TOX4: variants seen among roughly 807,000 people sequenced by gnomAD.
TOX4 encodes the protein TOX high mobility group box family member 4.
In TOX4, 12 loss-of-function variants were observed where a neutral mutation model predicts 61.0. The observed-to-expected ratio is 0.20, with a 90% confidence interval of 0.13 to 0.32. The LOEUF is 0.32. TOX4 is among the 10% of genes least tolerant of loss of function. The pLI, the probability that TOX4 is intolerant of heterozygous loss-of-function variation, is 1.00. For missense variants in TOX4, 499 were observed against 753.3 expected (o/e 0.66, Z 3.95); for synonymous variants, 268 against 274.8 (o/e 0.98, Z 0.24).
chr14:21,477,728 C>A, intron 2 of TOX4, 164 bp downstream of exon 2: 1 of 697,242 alleles, frequency 1.4e-6, no homozygotes, highest in Non-Finnish European at 2.4e-6. Context: ...TGGGGACTAT[C>A]TGGGGAAGTC....
chr14:21,490,815 A>G (rs1356182890), intron 5 of TOX4, among the ~76,000 whole-genome samples: 1 of 152,268 alleles, frequency 6.6e-6, no homozygotes, highest in East Asian at 1.9e-4. Flanking sequence ...CCAAGTTTGG[A>G]TTTAGAATTA....
chr14:21,487,397 G>A, intron 2 of TOX4, 54 bp from the exon 3 acceptor site: 1 of 1,591,278 alleles, frequency 6.3e-7, no homozygotes, highest in Non-Finnish European at 8.6e-7. Flanking sequence ...TCACTTAGTA[G>A]TATGCCATTT....
Position 21,477,561 on chromosome 14 carries a change from C to G in TOX4, c.72C>G (p.Ala24=). 1 of 1,613,596 alleles carries G rather than the reference C, an allele frequency of 6.2e-7. No individual in the cohort carries two copies. The highest frequency in any genetic ancestry group is 8.5e-7 in the Non-Finnish European group (1 of 1,180,020). Residue 24 remains alanine, a synonymous_variant, in exon 2 of 9, where the codon GCC becomes GCG. Coordinates refer to ENST00000448790, the MANE Select transcript of TOX4 (RefSeq NM_014828.4). ...TGPSHPFLSG[A]ETFHTPSLGD... ...CTTCGCACCCCTTCCTGTCAGGGGC[C>G]GAGGTGAGCCAGAGCTGCCGACGCC...
intron 8 of TOX4, 35 bp from the exon 9 acceptor site, chr14:21,496,511 A>G (rs753767320): frequency 1.9e-6 from 3 of 1,579,558 alleles, no homozygotes; most frequent in Non-Finnish European, 2.6e-6. Flanking sequence ...CAGTTTGTGT[A>G]TAATTCTGTT....
At chr14:21,480,233 AAAAG>A (rs1174374742) in intron 2 of TOX4, among the ~76,000 whole-genome samples, 5 of 152,228 alleles carry the variant, frequency 3.3e-5, no homozygotes, top group Admixed American at 3.3e-4. Context: ...ATTATAATAA[AAAAG>A]AAAGAAACTT....
At chr14:21,482,209 G>A (rs1272291907) in intron 2 of TOX4, among the ~76,000 whole-genome samples, 1 of 152,000 alleles carries the variant, frequency 6.6e-6, no homozygotes, top group East Asian at 1.9e-4. Flanking sequence ...AGCACATTGG[G>A]GAAATAATTA....
chr14:21,489,775 G>A (rs12431578), intron 5 of TOX4, among the ~76,000 whole-genome samples: 76,033 of 151,608 alleles, frequency 0.5, 19,236 homozygotes, highest in East Asian at 0.63. Flanking sequence ...TAGAGACGGC[G>A]TTTCACCATG....
intron 2 of TOX4, among the ~76,000 whole-genome samples, chr14:21,480,817 G>A (rs371682216): frequency 1.8e-4 from 27 of 152,186 alleles, no homozygotes; most frequent in Admixed American, 1.6e-3. Context: ...AAGGCCAGGC[G>A]TGGTGGCTCA....
Position 21,492,949 on chromosome 14 carries a change from C to T in TOX4, c.1333C>T (p.Pro445Ser). The T allele has an allele frequency of 6.2e-7, 1 of 1,613,582 alleles. No individual in the cohort carries two copies. Among genetic ancestry groups the T allele is most frequent in the Non-Finnish European group, 8.5e-7 (1 of 1,179,840 alleles). Residue 445 changes from proline to serine, a missense_variant, in exon 7 of 9, where the codon CCC becomes TCC. Pro to Ser is a moderately conservative substitution (Grantham distance 74). This residue lies in a region of TOX4 where 296 missense variants were observed against 404.7 expected (regional missense o/e 0.73). Coordinates refer to ENST00000448790, the MANE Select transcript of TOX4 (RefSeq NM_014828.4). ...SMQLPPPRLQPPPLQQMPQPP... is the reference protein window; with the variant it reads ...SMQLPPPRLQSPPLQQMPQPP... ...GCAACTGCCTCCACCCCGACTACAG[C>T]CCCCTCCATTACAACAGATGCCACA...
In TOX4 at chr14:21,480,673, CA is replaced by C. The variant is rs1225928707; in HGVS notation, c.75+3115del. Among the ~76,000 whole-genome samples, 22 of 152,032 alleles carry C rather than the reference CA, an allele frequency of 1.4e-4. No homozygotes were observed. The East Asian group carries it at 3.5e-3, about 24-fold the overall frequency. On this transcript the variant is annotated intron_variant, in intron 2 of 8. Transcript: ENST00000448790. ...ACTGTAATTAGGAACTTCCTTTCAT[CA>C]AAAAACATGATTAACAAATAGGCAT...
rs758366225 is a variant in TOX4, at chr14:21,477,266, C to A, written c.-13C>A. ...CGATGAGGGTCTGAGACGGTGGGAG[C>A]GGTTGTGTGAAGATGGAGGTAGGAA... is the stretch of plus-strand genomic sequence containing the variant. On this transcript the variant is annotated 5_prime_UTR_variant, in exon 1 of 9. Transcript: ENST00000448790. The A allele has an allele frequency of 1.7e-5, 27 of 1,613,856 alleles. No homozygotes were observed. Among genetic ancestry groups the A allele is most frequent in the Non-Finnish European group, 2.0e-5 (24 of 1,179,962 alleles).
intron 5 of TOX4, among the ~76,000 whole-genome samples, chr14:21,491,518 C>A (rs28694613): frequency 6.7e-6 from 1 of 149,306 alleles, no homozygotes; most frequent in Non-Finnish European, 1.5e-5. Context: ...ATCACCACGC[C>A]GGGCTAGTTT....
chr14:21,484,152 G>C lies in TOX4; in HGVS notation c.76-3299G>C, dbSNP rs554124009. Among the ~76,000 whole-genome samples, 38 of 152,126 alleles carry C rather than the reference G, an allele frequency of 2.5e-4. No individual in the cohort carries two copies. The Middle Eastern group carries it at 0.017, about 68-fold the overall frequency. On this transcript the variant is annotated intron_variant, in intron 2 of 8. Coordinates refer to ENST00000448790, the MANE Select transcript of TOX4 (RefSeq NM_014828.4). ...TGCTCCGTGTGCTACTTATATCTCA[G>C]ACAACGACCAGATTTTTTACCATAC...
chr14:21,477,442 A>G (rs1358728518), intron 1 of TOX4, 54 bp from the exon 2 acceptor site: 6 of 1,611,488 alleles, frequency 3.7e-6, no homozygotes, highest in South Asian at 2.2e-5. Context: ...CATCGCTCCA[A>G]GCTGACTCCC....
rs1301066309 is a variant in TOX4 at position 21,491,807 on chromosome 14, C to T, written c.811-489C>T. 4.6e-5 allele frequency among the ~76,000 whole-genome samples: 7 copies of T among 150,648 alleles called. No individual in the cohort carries two copies. In the East Asian group the frequency reaches 1.0e-3, roughly 21 times the overall value. On this transcript the variant is annotated intron_variant, in intron 5 of 8. Transcript: ENST00000448790. ...CAGGCGGATCACAAGGTCAGGAGAT[C>T]GAGACCATCCTGGCTAACACAGCGA...
chr14:21,482,483 G>A (rs1891121849), intron 2 of TOX4: 1 of 439,554 alleles, frequency 2.3e-6, no homozygotes, highest in African/African-American at 2.1e-5. Flanking sequence ...GAGGGAAATG[G>A]TATTTTTGAT....
chr14:21,488,435 A>AT (rs372957889), intron 3 of TOX4, 155 bp from the exon 4 acceptor site: 1 of 776,732 alleles, frequency 1.3e-6, no homozygotes. Flanking sequence ...TAAAAAGCTT[A>AT]TTTTTTTATT....
chr14:21,482,696 A>C, intron 2 of TOX4: 1 of 420,100 alleles, frequency 2.4e-6, no homozygotes, highest in Non-Finnish European at 4.8e-6. Flanking sequence ...GTTTTGTTTT[A>C]TATTTAACAG....
intron 5 of TOX4, among the ~76,000 whole-genome samples, chr14:21,491,378 G>T (rs1443550755): frequency 1.3e-5 from 2 of 151,622 alleles, no homozygotes; most frequent in African/African-American, 4.8e-5. Context: ...TTATTTTTTT[G>T]AGACAGAGTC....
Sources: gnomAD v4.1 joint callset for allele counts (sites outside exome capture counted in the v4.1 genomes callset) on GRCh38, gnomAD v4.1.1 for gene constraint, gnomAD v4.1.1 regional missense constraint, MANE v1.5 for transcripts, NCBI Gene and HGNC (gene_info 2026-07-23, HGNC 2026-07-21) for gene names.